The following FRMD3 variants were observed in gnomAD, a reference collection of about 807,000 sequenced individuals.
The protein encoded by FRMD3 is FERM domain-containing protein 3.
A neutral mutation model predicts 70.2 loss-of-function variants in FRMD3; 33 were observed. The observed-to-expected ratio is 0.47, with a 90% CI of 0.36 to 0.63. The LOEUF is 0.63. FRMD3 is among the 20% of genes least tolerant of loss of function. FRMD3 has a pLI of 0.00. For missense variants in FRMD3, 632 were observed against 711.4 expected, an observed-to-expected ratio of 0.89 and a Z score of 1.27; for synonymous variants, 279 against 255.9, an observed-to-expected ratio of 1.09 and a Z score of -0.86.
At chr9:83,292,685 TCG>T (rs1039096467) in intron 12 of FRMD3, among the ~76,000 whole-genome samples, 17 of 152,184 alleles carry the variant, frequency 1.1e-4, no homozygotes, top group African/African-American at 4.1e-4. Context: ...TCTCACTCTG[TCG>T]CCTAGGCTGG....
rs1416490900 is a variant in FRMD3, at chr9:83,318,071, A to T, written c.597-4324T>A. ...CCAATAACTACATGAAAATGTGCTT[A>T]GCTTCTTATGATCAAGAAAATGTAA... On this transcript the variant is annotated intron_variant, in intron 6 of 13. Coordinates refer to ENST00000304195, the MANE Select transcript of FRMD3 (RefSeq NM_174938.6). 3.3e-5 allele frequency among the ~76,000 whole-genome samples: 5 copies of T among 152,366 alleles called. No homozygotes were observed. The East Asian group carries it at 9.6e-4, about 29-fold the overall frequency.
Position 83,299,152 on chromosome 9 carries a change from T to G in FRMD3, c.961A>C (p.Ser321Arg). The change falls in exon 11 of 14, where the codon AGC (serine) becomes CGC (arginine). Residue 321 changes from serine (S) to arginine (R), a missense_variant. By Grantham distance (110) the Ser-to-Arg change is moderately radical. Transcript: ENST00000304195. ...CTTCCTTTAAAAAATATCTTGCTGC[T>G]TGATACAGTCTTGATCTGACTGGAT... is the stretch of plus-strand genomic sequence containing the variant. ...AKSSQIKTVS[S>R]SKIFFKGSRF... The G allele has an allele frequency of 3.1e-6, 5 of 1,613,316 alleles. No individual in the cohort carries two copies. Among genetic ancestry groups the G allele is most frequent in the South Asian group, 1.1e-5 (1 of 90,924 alleles).
intron 1 of FRMD3, among the ~76,000 whole-genome samples, chr9:83,509,780 C>A (rs1026481443): frequency 6.7e-6 from 1 of 149,546 alleles, no homozygotes; most frequent in Non-Finnish European, 1.5e-5. Context: ...AATACGCACA[C>A]GCGCGCGCAC....
chr9:83,367,365 T>C (rs1210281647), intron 3 of FRMD3, among the ~76,000 whole-genome samples: 1 of 152,170 alleles, frequency 6.6e-6, no homozygotes, highest in Non-Finnish European at 1.5e-5. Flanking sequence ...TAATTCCAGG[T>C]AGAGTGGGTT....
intron 1 of FRMD3, among the ~76,000 whole-genome samples, chr9:83,489,539 A>G (rs961209258): frequency 5.9e-5 from 9 of 152,232 alleles, no homozygotes; most frequent in Non-Finnish European, 1.0e-4. Flanking sequence ...GAGAAATGCA[A>G]ATAAAAACCA....
In FRMD3 at chr9:83,507,736, A is replaced by ATATATCTATC. The variant is rs1554713917; in HGVS notation, c.147+30348_147+30349insGATAGATATA. Among the ~76,000 whole-genome samples the ATATATCTATC allele has an allele frequency of 2.0e-3, 174 of 88,680 alleles. 11 individuals are homozygous for ATATATCTATC. The highest frequency in any genetic ancestry group is 6.8e-3 in the Middle Eastern group (1 of 148). The allele number at this position is 88,680 out of a possible 152,430, so 58.2% of individuals were successfully genotyped here. ...TATATATATATATATATATATATATATATCTTCTGGAATATTTCCTGAAGG... is the reference window on the plus strand; with the variant it reads ...TATATATATATATATATATATATATATATATCTATCTATCTTCTGGAATATTTCCTGAAGG... On this transcript the variant is annotated intron_variant, in intron 1 of 13. Coordinates refer to ENST00000304195, the MANE Select transcript of FRMD3 (RefSeq NM_174938.6).
chr9:83,265,272 C>T (rs1050080409), intron 13 of FRMD3, among the ~76,000 whole-genome samples: 3 of 151,580 alleles, frequency 2.0e-5, no homozygotes, highest in African/African-American at 4.9e-5. Context: ...TGGTGGCAGG[C>T]GCCTGTAATA....
intron 1 of FRMD3, among the ~76,000 whole-genome samples, chr9:83,488,274 T>G (rs1392101589): frequency 6.6e-6 from 1 of 152,254 alleles, no homozygotes; most frequent in Admixed American, 6.5e-5. Context: ...TCAGAGGTAA[T>G]GCGCTAATGC....
At chr9:83,338,501 A>G (rs1823651523) in intron 5 of FRMD3, among the ~76,000 whole-genome samples, 1 of 152,218 alleles carries the variant, frequency 6.6e-6, no homozygotes, top group African/African-American at 2.4e-5. Flanking sequence ...CAGCTAGATA[A>G]GTAAAACATG....
intron 1 of FRMD3, among the ~76,000 whole-genome samples, chr9:83,418,738 A>T (rs2131353701): frequency 6.6e-6 from 1 of 152,338 alleles, no homozygotes; most frequent in South Asian, 2.1e-4. Context: ...CTAAAGAACT[A>T]AAAGTAGAAC....
chr9:83,265,260 C>A (rs939863639), intron 13 of FRMD3, among the ~76,000 whole-genome samples: 2 of 151,728 alleles, frequency 1.3e-5, no homozygotes, highest in African/African-American at 4.8e-5. Flanking sequence ...ATTAGCCGGG[C>A]GTGGTGGCAG....
In FRMD3 at chr9:83,455,747, CA is replaced by C. The variant is rs368868586; in HGVS notation, c.148-66040del. Among the ~76,000 whole-genome samples the C allele has an allele frequency of 8.7e-4, 132 of 152,138 alleles. 2 individuals are homozygous for C. In the South Asian group the frequency reaches 0.026, roughly 29 times the overall value. On this transcript the variant is annotated intron_variant, in intron 1 of 13. Transcript: ENST00000304195. ...TATATCAGAAACCTCAACAATTTAC[CA>C]AGTTTGCTGATAAAAATATATTTTT...
chr9:83,455,051 T>G (rs567605084), intron 1 of FRMD3, among the ~76,000 whole-genome samples: 1 of 151,316 alleles, frequency 6.6e-6, no homozygotes, highest in African/African-American at 2.4e-5. Flanking sequence ...TCTGCCTATA[T>G]CTGACAAGTT....
At chr9:83,294,778 T>C (rs1834592146) in intron 12 of FRMD3, among the ~76,000 whole-genome samples, 1 of 152,206 alleles carries the variant, frequency 6.6e-6, no homozygotes, top group African/African-American at 2.4e-5. Flanking sequence ...ACACTGCCTT[T>C]CTGCATGATT....
At chr9:83,504,444 C>A (rs983613644) in intron 1 of FRMD3, among the ~76,000 whole-genome samples, 10 of 152,114 alleles carry the variant, frequency 6.6e-5, no homozygotes, top group African/African-American at 9.7e-5. Context: ...ACCTATAAGA[C>A]CCTCAGGTTG....
intron 12 of FRMD3, among the ~76,000 whole-genome samples, chr9:83,294,830 A>G (rs1030584969): frequency 5.3e-5 from 8 of 152,076 alleles, no homozygotes; most frequent in South Asian, 2.1e-4. Flanking sequence ...TGCTACCCCT[A>G]CTGTCCTCCT....
chr9:83,490,782 TCTCTCTCTCTCTCTCTCA>T (rs1258395519), intron 1 of FRMD3, among the ~76,000 whole-genome samples: 6 of 127,066 alleles, frequency 4.7e-5, no homozygotes, highest in African/African-American at 2.0e-4. Flanking sequence ...TCTCTCTCTC[TCTCTCTCTCTCTCTCTCA>T]CACACACACA....
chr9:83,568,943 G>GATACATACATAC, the FRMD3 span, among the ~76,000 whole-genome samples: 1 of 124,636 alleles, frequency 8.0e-6, no homozygotes, highest in African/African-American at 3.0e-5. Flanking sequence ...TAGATAGATA[G>GATACATACATAC]ATAGATAGAT....
At chr9:83,366,896 G>A (rs1824805676) in intron 3 of FRMD3, among the ~76,000 whole-genome samples, 1 of 152,068 alleles carries the variant, frequency 6.6e-6, no homozygotes, top group Non-Finnish European at 1.5e-5. Context: ...AGCAGGGTGT[G>A]GTAGCATGTG....
Sources: gnomAD v4.1 joint callset for allele counts (sites outside exome capture counted in the v4.1 genomes callset) on GRCh38, gnomAD v4.1.1 for gene constraint, MANE v1.5 for transcripts, NCBI Gene and HGNC (gene_info 2026-07-23, HGNC 2026-07-21) for gene names.